F13A1: variants seen among roughly 807,000 people sequenced by gnomAD.
The protein encoded by F13A1 is coagulation factor XIII A chain.
F13A1 carries 47 observed loss-of-function variants against 80.1 expected under a neutral mutation model. The observed-to-expected ratio is 0.59, with a 90% CI of 0.46 to 0.75. The LOEUF (loss-of-function observed/expected upper bound fraction) is 0.75, where lower values mean the gene tolerates loss of function less well. Ranked by LOEUF, F13A1 falls within the 30% of genes least tolerant of loss-of-function variation. The pLI is 0.00. For missense variants in F13A1, 817 were observed against 930.4 expected, an observed-to-expected ratio of 0.88 and a Z score of 1.59; for synonymous variants, 349 against 344.9, an observed-to-expected ratio of 1.01 and a Z score of -0.13.
intron 8 of F13A1, among the ~76,000 whole-genome samples, chr6:6,207,619 G>A (rs1380656044): frequency 2.0e-5 from 3 of 152,218 alleles, no homozygotes; most frequent in African/African-American, 7.2e-5. Context: ...ATCTCTGGTT[G>A]ATCTTGAGGC....
chr6:6,178,047 G>C (rs1351252575), intron 11 of F13A1, among the ~76,000 whole-genome samples: 6 of 5,518 alleles, frequency 1.1e-3, no homozygotes, highest in Non-Finnish European at 1.7e-3. Flanking sequence ...CAGGGAGAGG[G>C]GGGGGGGGGT....
chr6:6,272,834 T>C (rs1223254934), intron 3 of F13A1, among the ~76,000 whole-genome samples: 1 of 152,200 alleles, frequency 6.6e-6, no homozygotes, highest in Non-Finnish European at 1.5e-5. Flanking sequence ...TTTGATATAC[T>C]CACACACTAA....
chr6:6,311,210 G>A (rs113408881), intron 2 of F13A1, among the ~76,000 whole-genome samples: 1 of 152,078 alleles, frequency 6.6e-6, no homozygotes, highest in Non-Finnish European at 1.5e-5. Context: ...CCTTTCACCT[G>A]AACACCTTTT....
At chr6:6,171,938 G>GT (rs1003766198) in intron 12 of F13A1, among the ~76,000 whole-genome samples, 6 of 151,860 alleles carry the variant, frequency 4.0e-5, no homozygotes, top group South Asian at 2.1e-4. Context: ...ATTAGAGAGG[G>GT]TTTTTTTTCT....
intron 3 of F13A1, among the ~76,000 whole-genome samples, chr6:6,271,816 G>T (rs1056141936): frequency 6.6e-6 from 1 of 152,212 alleles, no homozygotes. Flanking sequence ...GGCAAAAGCC[G>T]CTTGGACCAT....
At chr6:6,251,417 G>A (rs1407253969) in intron 4 of F13A1, among the ~76,000 whole-genome samples, 1 of 152,178 alleles carries the variant, frequency 6.6e-6, no homozygotes, top group Non-Finnish European at 1.5e-5. Flanking sequence ...CTGGCAGGAG[G>A]GAAGCAGTAG....
chr6:6,317,840 G>C (rs3024322), intron 2 of F13A1, among the ~76,000 whole-genome samples: 42,619 of 152,126 alleles, frequency 0.28, 6,319 homozygotes, highest in Non-Finnish European at 0.32. Flanking sequence ...GAATGTCCCT[G>C]CCATGGCCCA....
At chr6:6,283,626 C>G (rs564639621) in intron 3 of F13A1, among the ~76,000 whole-genome samples, 2 of 152,000 alleles carry the variant, frequency 1.3e-5, no homozygotes, top group South Asian at 4.1e-4. Context: ...AACAACAATA[C>G]ATGTACCCAA....
At position 6,145,177 on chromosome 6, in the gene F13A1, G is replaced by A. The variant is rs541631759; in HGVS notation, c.*442C>T. The A allele has an allele frequency of 4.2e-5, 9 of 216,700 alleles. No individual in the cohort carries two copies. Among genetic ancestry groups the A allele is most frequent in the Non-Finnish European group, 7.5e-5 (8 of 107,068 alleles). The allele number at this position is 216,700 out of a possible 1,614,324, so 13.4% of individuals were successfully genotyped here. A position where few individuals can be genotyped will look rare whatever the true frequency, so the allele number is the denominator to read the frequency against. ...CACATGGAGGGTAGAACCTGACCCC[G>A]AGAAAGGGGACTGGAATTCTAGAGC... On this transcript the variant is annotated 3_prime_UTR_variant, in exon 15 of 15. Transcript: ENST00000264870.
At chr6:6,316,655 T>C (rs1038605511) in intron 2 of F13A1, among the ~76,000 whole-genome samples, 3 of 152,190 alleles carry the variant, frequency 2.0e-5, no homozygotes, top group Admixed American at 6.5e-5. Flanking sequence ...ATATTCCTCA[T>C]AGGAACAAGT....
chr6:6,170,752 C>T (rs1287752293), intron 12 of F13A1, among the ~76,000 whole-genome samples: 1 of 152,244 alleles, frequency 6.6e-6, no homozygotes, highest in Non-Finnish European at 1.5e-5. Context: ...GTATGCCTCC[C>T]ATTCTACTTG....
At chr6:6,256,204 A>G (rs1438161017) in intron 4 of F13A1, among the ~76,000 whole-genome samples, 3 of 152,136 alleles carry the variant, frequency 2.0e-5, no homozygotes, top group Non-Finnish European at 4.4e-5. Context: ...AAACCCAACA[A>G]TTTGGACTGG....
chr6:6,270,413 A>G (rs962186663), intron 3 of F13A1, among the ~76,000 whole-genome samples: 1 of 152,242 alleles, frequency 6.6e-6, no homozygotes, highest in African/African-American at 2.4e-5. Context: ...TGTTGAAAAC[A>G]TAGGAAGTTT....
rs759588594 is a variant in F13A1 at position 6,145,782 on chromosome 6, TGGAA to T, written c.2046-14_2046-11del. The stretch of plus-strand genomic sequence containing the variant: ...GTTGGGCCGGATTTCACTGAAAGGA[TGGAA>T]AAGAGAGGAGAGGTTGGAAGATCCA... On this transcript the variant is annotated splice_polypyrimidine_tract_variant and intron_variant, in intron 14 of 14. Coordinates refer to ENST00000264870, the MANE Select transcript of F13A1 (RefSeq NM_000129.4). The T allele has an allele frequency of 3.3e-5, 53 of 1,613,792 alleles. No individual in the cohort carries two copies. Among genetic ancestry groups the T allele is most frequent in the Non-Finnish European group, 4.4e-5 (52 of 1,179,912 alleles).
chr6:6,171,912 T>C (rs1480797112), intron 12 of F13A1, among the ~76,000 whole-genome samples: 1 of 152,216 alleles, frequency 6.6e-6, no homozygotes. Context: ...CTCAGGTCTC[T>C]GTTAAATGTC....
intron 3 of F13A1, among the ~76,000 whole-genome samples, chr6:6,279,311 A>G (rs964369782): frequency 6.6e-6 from 1 of 152,204 alleles, no homozygotes; most frequent in African/African-American, 2.4e-5. Context: ...TAAGATCTAG[A>G]GATGTGAGAC....
intron 10 of F13A1, among the ~76,000 whole-genome samples, chr6:6,184,549 T>C (rs1460881517): frequency 2.0e-5 from 3 of 152,212 alleles, no homozygotes; most frequent in Non-Finnish European, 4.4e-5. Context: ...ATATTTGTCA[T>C]TTTGGAAGCT....
In F13A1 at chr6:6,174,660, G is replaced by C. The variant is rs773451190; in HGVS notation, c.1667C>G (p.Ala556Gly). 6.2e-7 allele frequency: 1 copy of C among 1,614,172 alleles called. No homozygotes were observed. The highest frequency in any genetic ancestry group is 8.5e-7 in the Non-Finnish European group (1 of 1,180,010). ...GACCCCGGTGTAGAAGGTGATGTTG[G>C]CTGAGAGATAAGCTGTGATGGTGTA... is the stretch of plus-strand genomic sequence containing the variant. ...NRYTITAYLS[A>G]NITFYTGVPK... Residue 556 changes from alanine to glycine, a missense_variant, in exon 12 of 15, where the codon GCC becomes GGC. By Grantham distance (60) the Ala-to-Gly change is moderately conservative (BLOSUM62 0). Transcript: ENST00000264870.
intron 12 of F13A1, chr6:6,169,361 G>A (rs983977359): frequency 9.1e-5 from 14 of 154,114 alleles, no homozygotes; most frequent in Admixed American, 6.5e-4. Flanking sequence ...CAGATTCTCT[G>A]ACTTCTTACT....
Sources: gnomAD v4.1 joint callset for allele counts (sites outside exome capture counted in the v4.1 genomes callset) on GRCh38, gnomAD v4.1.1 for gene constraint, MANE v1.5 for transcripts, NCBI Gene and HGNC (gene_info 2026-07-23, HGNC 2026-07-21) for gene names.